KAZN: variants seen among roughly 807,000 people sequenced by gnomAD.
KAZN encodes the protein kazrin, periplakin interacting protein, also known as kazrin.
A neutral mutation model predicts 87.4 loss-of-function variants in KAZN; 40 were observed. That is an observed-to-expected ratio of 0.46 (90% CI 0.36 to 0.60). The LOEUF is 0.60. Ranked by LOEUF, KAZN falls within the 20% of genes least tolerant of loss-of-function variation. The pLI is 0.00. For synonymous variants in KAZN, 466 were observed against 458.3 expected (o/e 1.02, Z -0.22); for missense variants, 898 against 1,073.9 (o/e 0.84, Z 2.29).
At chr1:14,998,381 A>G (rs1389056576) in intron 2 of KAZN, among the ~76,000 whole-genome samples, 2 of 148,990 alleles carry the variant, frequency 1.3e-5, no homozygotes, top group African/African-American at 5.1e-5. Context: ...CACCTGAGGC[A>G]GAGAGGAGAG....
chr1:14,829,580 A>G (rs1385031857), intron 1 of KAZN, among the ~76,000 whole-genome samples: 1 of 152,182 alleles, frequency 6.6e-6, no homozygotes, highest in East Asian at 1.9e-4. Flanking sequence ...TGAAAAAAAG[A>G]AAAGAGTAAC....
chr1:14,552,048 A>T (rs1047425191), intron 2 of KAZN, among the ~76,000 whole-genome samples: 1 of 151,854 alleles, frequency 6.6e-6, no homozygotes, highest in South Asian at 2.1e-4. Flanking sequence ...GCCCTTGACC[A>T]AGATTTCTAG....
chr1:14,478,737 C>A (rs988705498), intron 2 of KAZN, among the ~76,000 whole-genome samples: 3 of 152,296 alleles, frequency 2.0e-5, no homozygotes, highest in Admixed American at 1.3e-4. Context: ...CTCACACAGA[C>A]CCGTGCCCCA....
In KAZN at chr1:14,298,320, C is replaced by T. The variant is rs75250593; in HGVS notation, c.249+117728C>T. 5.9e-3 allele frequency among the ~76,000 whole-genome samples: 902 copies of T among 152,328 alleles called. 6 individuals are homozygous for T. Among genetic ancestry groups the T allele is most frequent in the African/African-American group, 0.021 (857 of 41,572 alleles). ...CATCCAAAAATCAGCCCAAATATTA[C>T]AGCCCTTGTCATTCATGAAATCACC... On this transcript the variant is annotated intron_variant, in intron 2 of 16. Coordinates refer to the KAZN transcript ENST00000636203.
intron 2 of KAZN, among the ~76,000 whole-genome samples, chr1:14,249,925 G>C (rs139608119): frequency 6.6e-6 from 1 of 151,502 alleles, no homozygotes; most frequent in African/African-American, 2.4e-5. Context: ...ACAGCTGTCC[G>C]TTTGGCATAA....
chr1:15,102,035 C>T (rs956810279), intron 11 of KAZN, among the ~76,000 whole-genome samples: 5 of 152,210 alleles, frequency 3.3e-5, no homozygotes, highest in South Asian at 2.1e-4. Context: ...ACGGGCCAGG[C>T]GCTGTGCTCA....
intron 2 of KAZN, among the ~76,000 whole-genome samples, chr1:14,499,327 T>A (rs1454152559): frequency 6.6e-6 from 1 of 152,174 alleles, no homozygotes; most frequent in Non-Finnish European, 1.5e-5. Context: ...CTCTTGCACA[T>A]CTCACTTTTT....
chr1:14,644,491 A>C (rs1680662458), intron 1 of KAZN, among the ~76,000 whole-genome samples: 1 of 151,322 alleles, frequency 6.6e-6, no homozygotes, highest in Non-Finnish European at 1.5e-5. Context: ...CCTCCCGAGT[A>C]GCTGGGACTA....
At chr1:13,914,690 A>G (rs1023018937) in intron 1 of KAZN, among the ~76,000 whole-genome samples, 4 of 152,218 alleles carry the variant, frequency 2.6e-5, no homozygotes, top group African/African-American at 9.6e-5. Context: ...GAATTATGCT[A>G]AATATGGCTG....
At chr1:14,121,489 A>G (rs747303671) in intron 1 of KAZN, among the ~76,000 whole-genome samples, 2 of 152,162 alleles carry the variant, frequency 1.3e-5, no homozygotes, top group South Asian at 2.1e-4. Flanking sequence ...AATTGGAAGA[A>G]CCCAGATTCA....
At chr1:14,100,865 G>A (rs1644234206) in intron 1 of KAZN, among the ~76,000 whole-genome samples, 1 of 152,150 alleles carries the variant, frequency 6.6e-6, no homozygotes, top group African/African-American at 2.4e-5. Context: ...ATCATGGGAT[G>A]GGTCTTTCCC....
chr1:14,124,252 C>T (rs1035092620), intron 1 of KAZN: 4 of 152,298 alleles, frequency 2.6e-5, no homozygotes, highest in South Asian at 2.1e-4. Flanking sequence ...GGACGCTTCA[C>T]GAATTGGTGT....
At chr1:14,220,764 T>A (rs1647078802) in intron 2 of KAZN, among the ~76,000 whole-genome samples, 1 of 152,240 alleles carries the variant, frequency 6.6e-6, no homozygotes, top group South Asian at 2.1e-4. Flanking sequence ...GGAGGAGCTC[T>A]CAAGCATAGA....
intron 2 of KAZN, among the ~76,000 whole-genome samples, chr1:14,351,334 G>T (rs1195762369): frequency 1.3e-5 from 2 of 152,208 alleles, no homozygotes; most frequent in Non-Finnish European, 2.9e-5. Flanking sequence ...GGGAGGCCGA[G>T]GTGGGCAGAT....
intron 2 of KAZN, among the ~76,000 whole-genome samples, chr1:14,266,983 C>G (rs1231229397): frequency 6.6e-6 from 1 of 151,490 alleles, no homozygotes; most frequent in Non-Finnish European, 1.5e-5. Flanking sequence ...GTGTGCTGCA[C>G]CCATTAACTC....
At chr1:14,682,291 C>CG (rs1640714434) in intron 1 of KAZN, among the ~76,000 whole-genome samples, 1 of 144,204 alleles carries the variant, frequency 6.9e-6, no homozygotes, top group Non-Finnish European at 1.5e-5. Context: ...TCAGAATTTC[C>CG]TTTTTTTTTT....
intron 1 of KAZN, among the ~76,000 whole-genome samples, chr1:14,646,243 C>G (rs1402012557): frequency 6.6e-6 from 1 of 152,072 alleles, no homozygotes; most frequent in African/African-American, 2.4e-5. Context: ...ATCAGCTTTA[C>G]CATAAAAAGC....
intron 2 of KAZN, among the ~76,000 whole-genome samples, chr1:14,483,011 TTAAA>T (rs5772584): frequency 0.32 from 48,835 of 151,842 alleles, 8,036 homozygotes; most frequent in East Asian, 0.44. Flanking sequence ...GTTCCGAGAC[TTAAA>T]TGAATGAATA....
chr1:14,486,594 A>T (rs1231069108), intron 2 of KAZN, among the ~76,000 whole-genome samples: 1 of 152,210 alleles, frequency 6.6e-6, no homozygotes, highest in Non-Finnish European at 1.5e-5. Flanking sequence ...GGCCCACTTT[A>T]ATAGCCTGTA....
Sources: allele counts gnomAD v4.1 joint callset (sites outside exome capture counted in the v4.1 genomes callset), GRCh38; gene constraint gnomAD v4.1.1; transcripts MANE v1.5; gene names NCBI Gene and HGNC (gene_info 2026-07-23, HGNC 2026-07-21).